Variants in GDPD3 observed in about 807,000 individuals in gnomAD.
The protein encoded by GDPD3 is lysophospholipase D GDPD3.
In GDPD3, 40 loss-of-function variants were observed where a neutral mutation model predicts 43.7. The observed-to-expected ratio is 0.91, with a 90% CI of 0.71 to 1.19. The LOEUF is 1.19. GDPD3 is among the 50% of genes most tolerant of loss of function. The pLI is 0.00. For missense variants in GDPD3, 363 were observed against 415.8 expected (o/e 0.87, Z 1.11); for synonymous variants, 145 against 162.9 (o/e 0.89, Z 0.84).
intron 9 of GDPD3, among the ~76,000 whole-genome samples, chr16:30,107,295 C>T (rs1283676268): frequency 6.6e-6 from 1 of 151,284 alleles, no homozygotes; most frequent in African/African-American, 2.4e-5. Flanking sequence ...TTTGTAGAGA[C>T]GAGGGTCTCA....
At position 30,112,843 on chromosome 16, in the gene GDPD3, G is replaced by A; in HGVS notation, c.183-50C>T. Reference sequence around the variant, plus strand: ...GGCAGGGGCAGGGGACTGGGATGAGGGGCATGGTGGCTGGGAGGTGGCCGG... The same window carrying A: ...GGCAGGGGCAGGGGACTGGGATGAGAGGCATGGTGGCTGGGAGGTGGCCGG... On this transcript the variant is annotated intron_variant, in intron 2 of 9. Coordinates refer to ENST00000406256, the MANE Select transcript of GDPD3 (RefSeq NM_024307.3). The surrounding 1 kb of genome is among the most constrained non-coding windows in gnomAD (Gnocchi z 5.4). 1.9e-6 allele frequency: 3 copies of A among 1,588,562 alleles called. No homozygotes were observed. The highest frequency in any genetic ancestry group is 2.6e-6 in the Non-Finnish European group (3 of 1,165,888).
At chr16:30,106,388 CCTCT>C (rs1451404363) in intron 9 of GDPD3, among the ~76,000 whole-genome samples, 4 of 152,064 alleles carry the variant, frequency 2.6e-5, no homozygotes, top group African/African-American at 9.7e-5. Flanking sequence ...TTCATTTGTT[CCTCT>C]CTGAGAGCTA....
chr16:30,109,944 G>A (rs2072887783), intron 7 of GDPD3, among the ~76,000 whole-genome samples: 1 of 152,126 alleles, frequency 6.6e-6, no homozygotes, highest in African/African-American at 2.4e-5. Context: ...AGAGACCCTT[G>A]ACAGTGTCCT....
At chr16:30,107,650 A>G (rs2072869345) in intron 9 of GDPD3, 1 of 152,304 alleles carries the variant, frequency 6.6e-6, no homozygotes, top group African/African-American at 2.4e-5. Context: ...CAAGCCCTTA[A>G]TAAGTACTAG....
In GDPD3 at chr16:30,112,014, C is replaced by A. The variant is rs2072902990; in HGVS notation, c.573+118G>T. ...CACCCTTTTCATTGCCACCGCCACG[C>A]CACTGGGAACTCTCCCAGACCCCTC... On this transcript the variant is annotated intron_variant, in intron 6 of 9. Coordinates refer to ENST00000406256, the MANE Select transcript of GDPD3 (RefSeq NM_024307.3). This position sits in a 1 kb window ranked among gnomAD's most constrained non-coding sequence, Gnocchi z 5.4. 1.4e-6 allele frequency: 1 copy of A among 730,030 alleles called. No individual in the cohort carries two copies. 45.2% of individuals were successfully genotyped at this position (730,030 alleles called of 1,614,324 possible). A position where few individuals can be genotyped will look rare whatever the true frequency, so the allele number is the denominator to read the frequency against.
At chr16:30,106,162 A>G (rs1336170118) in intron 9 of GDPD3, among the ~76,000 whole-genome samples, 2 of 152,068 alleles carry the variant, frequency 1.3e-5, no homozygotes, top group African/African-American at 4.8e-5. Flanking sequence ...AAAATCCAGT[A>G]ATAAATATTC....
At position 30,113,010 on chromosome 16, in the gene GDPD3, A is replaced by C; in HGVS notation, c.182+12T>G. ...CTCACATGGCAGCCTGGGCAGGGGCAGATACACTCACTTCTCCATGGCCTC... is the reference window on the plus strand; with the variant it reads ...CTCACATGGCAGCCTGGGCAGGGGCCGATACACTCACTTCTCCATGGCCTC... On this transcript the variant is annotated intron_variant, in intron 2 of 9. Coordinates refer to ENST00000406256, the MANE Select transcript of GDPD3 (RefSeq NM_024307.3). This position sits in a 1 kb window ranked among gnomAD's most constrained non-coding sequence, Gnocchi z 5.9. 1.2e-6 allele frequency: 2 copies of C among 1,612,254 alleles called. No homozygotes were observed. Among genetic ancestry groups the C allele is most frequent in the Non-Finnish European group, 1.7e-6 (2 of 1,178,774 alleles).
chr16:30,105,983 C>T (rs1046550845), intron 9 of GDPD3, among the ~76,000 whole-genome samples: 5 of 151,562 alleles, frequency 3.3e-5, no homozygotes, highest in South Asian at 2.1e-4. Flanking sequence ...TGGTGGCGGG[C>T]GACTGTAATC....
At chr16:30,111,090 A>C (rs2072895350) in intron 7 of GDPD3, 1 of 234,376 alleles carries the variant, frequency 4.3e-6, no homozygotes, top group South Asian at 7.9e-5. Context: ...CCCCACCCTC[A>C]CTGGTCTCAT....
Position 30,112,928 on chromosome 16 carries a change from C to T in GDPD3, c.182+94G>A. 1.7e-5 allele frequency: 26 copies of T among 1,498,650 alleles called. No homozygotes were observed. In the South Asian group the frequency reaches 3.0e-4, roughly 17 times the overall value. The allele number at this position is 1,498,650 out of a possible 1,614,324, so 92.8% of individuals were successfully genotyped here. A position where few individuals can be genotyped will look rare whatever the true frequency, so the allele number is the denominator to read the frequency against. ...GGCCACCTCCAGGGGGCGCCAGTCA[C>T]CCAGCTAGGAAGTGAATGGCGTCCC... is the stretch of plus-strand genomic sequence containing the variant. On this transcript the variant is annotated intron_variant, in intron 2 of 9. Coordinates refer to ENST00000406256, the MANE Select transcript of GDPD3 (RefSeq NM_024307.3). The surrounding 1 kb of genome is among the most constrained non-coding windows in gnomAD (Gnocchi z 5.4).
At position 30,113,513 on chromosome 16, in the gene GDPD3, G is replaced by A; in HGVS notation, c.-35C>T. On this transcript the variant is annotated 5_prime_UTR_variant, in exon 1 of 10. Coordinates refer to ENST00000406256, the MANE Select transcript of GDPD3 (RefSeq NM_024307.3). This position sits in a 1 kb window ranked among gnomAD's most constrained non-coding sequence, Gnocchi z 5.9. ...CCCACAGAAGCTCCTGCAGCCACAC[G>A]CTCAGCCGTCCGCGGGACTGTGCTG... 5 of 1,509,654 alleles carry A rather than the reference G, an allele frequency of 3.3e-6. No homozygotes were observed. Among genetic ancestry groups the A allele is most frequent in the East Asian group, 2.4e-5 (1 of 41,766 alleles). 93.5% of individuals were successfully genotyped at this position (1,509,654 alleles called of 1,614,324 possible). A position where few individuals can be genotyped will look rare whatever the true frequency, so the allele number is the denominator to read the frequency against.
In GDPD3 at chr16:30,105,024, A is replaced by C. The variant is rs947669535; in HGVS notation, c.820-15T>G. The C allele has an allele frequency of 6.3e-7, 1 of 1,590,692 alleles. No homozygotes were observed. Among genetic ancestry groups the C allele is most frequent in the East Asian group, 2.3e-5 (1 of 44,342 alleles). On this transcript the variant is annotated splice_polypyrimidine_tract_variant and intron_variant, in intron 9 of 9. Coordinates refer to ENST00000406256, the MANE Select transcript of GDPD3 (RefSeq NM_024307.3). Reference sequence around the variant, plus strand: ...CAAAAGACCACCTGAGCAGGGAGGGAGGGGGCCTGTAGATTCTGAACAATT... The same window carrying C: ...CAAAAGACCACCTGAGCAGGGAGGGCGGGGGCCTGTAGATTCTGAACAATT...
intron 7 of GDPD3, among the ~76,000 whole-genome samples, chr16:30,109,807 AAAAC>A (rs563237910): frequency 1.5e-3 from 232 of 152,280 alleles, no homozygotes; most frequent in Middle Eastern, 6.8e-3. Flanking sequence ...CTCCGTCTCA[AAAAC>A]AAACAAACAA....
At chr16:30,109,029 ACC>A (rs2072880979) in intron 7 of GDPD3, among the ~76,000 whole-genome samples, 3 of 151,794 alleles carry the variant, frequency 2.0e-5, no homozygotes, top group East Asian at 3.9e-4. Context: ...ACAGGGTTTC[ACC>A]CTGTTAGCCA....
chr16:30,108,455 G>T (rs375543459), intron 7 of GDPD3, 23 bp from the exon 8 acceptor site: 1 of 1,612,480 alleles, frequency 6.2e-7, no homozygotes, highest in African/African-American at 1.3e-5. Context: ...GGAAGTGGGG[G>T]TTAGCTCCTA....
In GDPD3 at chr16:30,112,736, T is replaced by G. The variant is rs1463313824; in HGVS notation, c.240A>C (p.Arg80Ser). 6.2e-7 allele frequency: 1 copy of G among 1,613,312 alleles called. No individual in the cohort carries two copies. The highest frequency in any genetic ancestry group is 8.5e-7 in the Non-Finnish European group (1 of 1,179,954). ...LELDCQLTRD[R>S]VVVVSHDENL... is the part of the protein sequence containing the mutation. ...TCTCATCATGTGACACCACCACCACTCTGTCCCGTGTCAGCTGACAGTCGA... is the reference window on the plus strand; with the variant it reads ...TCTCATCATGTGACACCACCACCACGCTGTCCCGTGTCAGCTGACAGTCGA... Residue 80 changes from arginine to serine, a missense_variant, in exon 3 of 10, where the codon AGA becomes AGC. Physicochemically the swap from Arg to Ser is moderately radical, Grantham distance 110. Coordinates refer to ENST00000406256, the MANE Select transcript of GDPD3 (RefSeq NM_024307.3). The surrounding 1 kb of genome is among the most constrained non-coding windows in gnomAD (Gnocchi z 5.4).
rs367918036 is a variant in GDPD3, at chr16:30,112,701, C to T, written c.275G>A (p.Arg92His). 7.0e-5 allele frequency: 113 copies of T among 1,613,818 alleles called. No individual in the cohort carries two copies. Among genetic ancestry groups the T allele is most frequent in the Middle Eastern group, 1.6e-4 (1 of 6,082 alleles). The change falls in exon 3 of 10, where the codon CGC becomes CAC. Residue 92 changes from arginine (R) to histidine (H), a missense_variant. Transcript: ENST00000406256. This position sits in a 1 kb window ranked among gnomAD's most constrained non-coding sequence, Gnocchi z 5.4. ...CACATCCCTGTTTAGGCCCGACTGG[C>T]GGCACAGGTTCTCATCATGTGACAC... ...VVVSHDENLC[R>H]QSGLNRDVGS...
In GDPD3 at chr16:30,108,388, G is replaced by A; in HGVS notation, c.752C>T (p.Ala251Val). Reference sequence around the variant, plus strand: ...CCCACCTCACCATTTCGAAACCACAGCCAATAACTGGTTCAGGCAAGAGCA... The same window carrying A: ...CCCACCTCACCATTTCGAAACCACAACCAATAACTGGTTCAGGCAAGAGCA... ...FSCSCLNQLL[A>V]VVSKWLIMRK... is the part of the protein sequence containing the mutation. The change falls in exon 8 of 10, where the codon GCT becomes GTT. Residue 251 changes from alanine (A) to valine (V), a missense_variant. Ala to Val is a moderately conservative substitution (Grantham distance 64, BLOSUM62 0). Transcript: ENST00000406256. 6.2e-7 allele frequency: 1 copy of A among 1,614,040 alleles called. No homozygotes were observed. The highest frequency in any genetic ancestry group is 8.5e-7 in the Non-Finnish European group (1 of 1,179,988).
At chr16:30,108,860 C>T (rs1596870484) in intron 7 of GDPD3, among the ~76,000 whole-genome samples, 1 of 150,838 alleles carries the variant, frequency 6.6e-6, no homozygotes, top group Non-Finnish European at 1.5e-5. Context: ...GAGACAGAGT[C>T]TTGCTCTGTC....
Sources: allele counts gnomAD v4.1 joint callset (sites outside exome capture counted in the v4.1 genomes callset), GRCh38; gene constraint gnomAD v4.1.1; non-coding constraint Gnocchi (gnomAD v3.1); transcripts MANE v1.5; gene names NCBI Gene and HGNC (gene_info 2026-07-23, HGNC 2026-07-21).